Variants in MAP2K2 observed in about 807,000 individuals in gnomAD.
MAP2K2 encodes the protein mitogen-activated protein kinase kinase 2.
Under a neutral mutation model 43.7 loss-of-function variants are expected in MAP2K2, and 24 were observed. That is an observed-to-expected ratio of 0.55 (90% CI 0.40 to 0.77). MAP2K2 has a LOEUF of 0.77. Among genes scored for constraint, MAP2K2 ranks in the 30% least tolerant of loss-of-function variants. MAP2K2 has a pLI of 0.00. For synonymous variants in MAP2K2, 244 were observed against 239.7 expected, an observed-to-expected ratio of 1.02 and a Z score of -0.17; for missense variants, 470 against 566.8, an observed-to-expected ratio of 0.83 and a Z score of 1.73.
At chr19:4,114,102 G>GC (rs2041190494) in intron 2 of MAP2K2, among the ~76,000 whole-genome samples, 1 of 152,210 alleles carries the variant, frequency 6.6e-6, no homozygotes, top group South Asian at 2.1e-4. Context: ...ACACTGGGCA[G>GC]CGTAGCAAGC....
intron 3 of MAP2K2, chr19:4,103,520 A>AGAGAGGGCGGGCTGGAGGAGCCTG (rs1491423566): frequency 2.0e-5 from 3 of 153,426 alleles, no homozygotes; most frequent in Non-Finnish European, 4.3e-5. Flanking sequence ...AACTGAGGCT[A>AGAGAGGGCGGGCTGGAGGAGCCTG]GAGAGGGCGG....
chr19:4,094,522 C>G lies in MAP2K2; in HGVS notation c.1047-24G>C, dbSNP rs759488987. ...GGCTGGGGGTTCCAAGAGGCAGGAC[C>G]GGGAGGCGGTGGAGGAGACAAGACA... On this transcript the variant is annotated intron_variant, in intron 9 of 10. Transcript: ENST00000262948. The G allele has an allele frequency of 4.2e-5, 66 of 1,560,270 alleles. No individual in the cohort carries two copies. The Middle Eastern group carries it at 1.5e-3, about 35-fold the overall frequency.
intron 3 of MAP2K2, among the ~76,000 whole-genome samples, chr19:4,107,378 G>T (rs2041096392): frequency 6.6e-6 from 1 of 151,862 alleles, no homozygotes; most frequent in Non-Finnish European, 1.5e-5. Context: ...CAAAAAATTA[G>T]CCGGCTGTGG....
intron 3 of MAP2K2, 104 bp from the exon 4 acceptor site, chr19:4,102,557 G>T: frequency 9.9e-7 from 1 of 1,014,214 alleles, no homozygotes; most frequent in Non-Finnish European, 1.5e-6. Context: ...CTCCTGACGG[G>T]AAGCAGGGGC....
chr19:4,110,667 G>C lies in MAP2K2; in HGVS notation c.304-12C>G, dbSNP rs762533666. 6.2e-7 allele frequency: 1 copy of C among 1,610,474 alleles called. No homozygotes were observed. Among genetic ancestry groups the C allele is most frequent in the African/African-American group, 1.3e-5 (1 of 74,920 alleles). On this transcript the variant is annotated splice_polypyrimidine_tract_variant and intron_variant, in intron 2 of 10. Coordinates refer to ENST00000262948, the MANE Select transcript of MAP2K2 (RefSeq NM_030662.4). Reference sequence around the variant, plus strand: ...TCAAGGTGGATCAGCTGCAAGGGGAGAGGGGCGAGACTGGCTTGGGGGGTG... The same window carrying C: ...TCAAGGTGGATCAGCTGCAAGGGGACAGGGGCGAGACTGGCTTGGGGGGTG...
At chr19:4,106,136 G>A (rs1020376366) in intron 3 of MAP2K2, among the ~76,000 whole-genome samples, 11 of 152,178 alleles carry the variant, frequency 7.2e-5, no homozygotes, top group Non-Finnish European at 1.5e-4. Flanking sequence ...ACATCGAAAT[G>A]GGCTCATGTC....
At chr19:4,113,713 C>T (rs2041184305) in intron 2 of MAP2K2, among the ~76,000 whole-genome samples, 3 of 152,072 alleles carry the variant, frequency 2.0e-5, no homozygotes, top group Non-Finnish European at 2.9e-5. Flanking sequence ...AGACCTGGCT[C>T]GGAGGTGGAG....
chr19:4,091,019 G>T (rs1361176387), intron 10 of MAP2K2, among the ~76,000 whole-genome samples: 1 of 152,212 alleles, frequency 6.6e-6, no homozygotes, highest in Non-Finnish European at 1.5e-5. Flanking sequence ...TCCTCCGGCC[G>T]CTGTGGACAC....
intron 2 of MAP2K2, among the ~76,000 whole-genome samples, chr19:4,111,692 C>T (rs959071404): frequency 6.6e-5 from 10 of 152,224 alleles, no homozygotes; most frequent in Non-Finnish European, 1.2e-4. Context: ...GTGTGGCTCA[C>T]GCCTGTAATC....
At chr19:4,119,430 C>T (rs971039814) in intron 1 of MAP2K2, among the ~76,000 whole-genome samples, 2 of 152,174 alleles carry the variant, frequency 1.3e-5, no homozygotes, top group Non-Finnish European at 2.9e-5. Flanking sequence ...CCATGTTGGT[C>T]AGGCTGCTCT....
chr19:4,091,175 G>A (rs2040851329), intron 10 of MAP2K2, among the ~76,000 whole-genome samples: 1 of 152,204 alleles, frequency 6.6e-6, no homozygotes, highest in South Asian at 2.1e-4. Flanking sequence ...GTCCCCCGGA[G>A]CAGGACAGCC....
In MAP2K2 at chr19:4,101,257, G is replaced by T. The variant is rs1385513336; in HGVS notation, c.552C>A (p.Leu184=). ...GGTGCATGATCTGGTGCTTCTCTCGGAGGTACGCCAAGCCCCGGAGAACCT... is the reference window on the plus strand; with the variant it reads ...GGTGCATGATCTGGTGCTTCTCTCGTAGGTACGCCAAGCCCCGGAGAACCT... ...SIAVLRGLAY[L]REKHQIMHRD... The change falls in exon 5 of 11, where the codon CTC becomes CTA. Residue 184 remains leucine (L), a synonymous_variant. Coordinates refer to ENST00000262948, the MANE Select transcript of MAP2K2 (RefSeq NM_030662.4). This position sits in a 1 kb window ranked among gnomAD's most constrained non-coding sequence, Gnocchi z 6.3. 1 of 1,585,870 alleles carries T rather than the reference G, an allele frequency of 6.3e-7. No homozygotes were observed. Among genetic ancestry groups the T allele is most frequent in the Non-Finnish European group, 8.6e-7 (1 of 1,166,860 alleles).
Position 4,123,808 on chromosome 19 carries a change from G to T in MAP2K2, c.68C>A (p.Ser23Tyr). 6.4e-7 allele frequency: 1 copy of T among 1,566,492 alleles called. No homozygotes were observed. The change falls in exon 1 of 11, where the codon TCC becomes TAC. Residue 23 changes from serine to tyrosine, a missense_variant. By Grantham distance (144) the Ser-to-Tyr change is moderately radical. Coordinates refer to ENST00000262948, the MANE Select transcript of MAP2K2 (RefSeq NM_030662.4). ...TINPTIAEGP[S>Y]PTSEGASEAN... ...CTCGGAGGCGCCCTCGCTGGTAGGG[G>T]ATGGGCCCTCGGCGATGGTAGGGTT...
chr19:4,090,388 A>G lies in MAP2K2; in HGVS notation c.*210T>C. The G allele has an allele frequency of 1.6e-6, 1 of 617,924 alleles. No homozygotes were observed. The highest frequency in any genetic ancestry group is 2.7e-5 in the East Asian group (1 of 36,456). The allele number at this position is 617,924 out of a possible 1,614,324, so 38.3% of individuals were successfully genotyped here. On this transcript the variant is annotated 3_prime_UTR_variant, in exon 11 of 11. Coordinates refer to ENST00000262948, the MANE Select transcript of MAP2K2 (RefSeq NM_030662.4). ...CAGAGCCTCTGAGACCACACACAGC[A>G]GCGTCGCCCGTCCCCAGAGGCACCC...
chr19:4,100,611 T>A, intron 6 of MAP2K2: 1 of 216,894 alleles, frequency 4.6e-6, no homozygotes, highest in Non-Finnish European at 9.4e-6. Context: ...AGTCCAGGAG[T>A]TCATGAGCAG....
intron 1 of MAP2K2, among the ~76,000 whole-genome samples, chr19:4,118,310 C>T (rs1007243865): frequency 1.3e-5 from 2 of 151,474 alleles, no homozygotes; most frequent in Admixed American, 6.6e-5. Context: ...ATCGGGTGAA[C>T]GGAGCCCGGG....
intron 2 of MAP2K2, among the ~76,000 whole-genome samples, chr19:4,110,856 C>T (rs1380394866): frequency 6.6e-6 from 1 of 152,136 alleles, no homozygotes; most frequent in African/African-American, 2.4e-5. Flanking sequence ...CACAGCAGCA[C>T]GACTCACAGC....
At chr19:4,098,655 G>T (rs574840122) in intron 7 of MAP2K2, among the ~76,000 whole-genome samples, 1 of 152,292 alleles carries the variant, frequency 6.6e-6, no homozygotes, top group East Asian at 1.9e-4. Flanking sequence ...CTAAGTGCCG[G>T]ATTGTCCTCT....
intron 4 of MAP2K2, 91 bp downstream of exon 4, chr19:4,102,285 A>G: frequency 8.7e-7 from 1 of 1,142,894 alleles, no homozygotes; most frequent in Non-Finnish European, 1.3e-6. Context: ...AACCCCCACC[A>G]CACTGTGAGT....
Sources: allele counts gnomAD v4.1 joint callset (sites outside exome capture counted in the v4.1 genomes callset), GRCh38; gene constraint gnomAD v4.1.1; non-coding constraint Gnocchi (gnomAD v3.1); transcripts MANE v1.5; gene names NCBI Gene and HGNC (gene_info 2026-07-23, HGNC 2026-07-21).